RFX3: variants seen among roughly 807,000 people sequenced by gnomAD.
The protein encoded by RFX3 is transcription factor RFX3.
A neutral mutation model predicts 98.6 loss-of-function variants in RFX3; 14 were observed. The observed-to-expected ratio is 0.14, with a 90% CI of 0.09 to 0.22. The LOEUF (loss-of-function observed/expected upper bound fraction) is 0.22. Among genes scored for constraint, RFX3 ranks in the 10% least tolerant of loss-of-function variants. RFX3 has a pLI of 1.00. For synonymous variants in RFX3, 383 were observed against 328.4 expected (o/e 1.17, Z -1.80); for missense variants, 639 against 926.9 (o/e 0.69, Z 4.03).
intron 1 of RFX3, among the ~76,000 whole-genome samples, chr9:3,440,704 T>C (rs1845540007): frequency 6.6e-6 from 1 of 152,168 alleles, no homozygotes; most frequent in African/African-American, 2.4e-5. Context: ...CAAATCCCAA[T>C]AGGCTTTTTC....
At chr9:3,293,301 T>C in intron 5 of RFX3, 43 bp from the exon 6 acceptor site, 2 of 1,485,196 alleles carry the variant, frequency 1.3e-6, no homozygotes, top group South Asian at 1.3e-5. Context: ...ATCACATAAT[T>C]TGCCAAAATT....
At chr9:3,329,244 T>G (rs1832291202) in intron 4 of RFX3, among the ~76,000 whole-genome samples, 1 of 151,008 alleles carries the variant, frequency 6.6e-6, no homozygotes, top group Non-Finnish European at 1.5e-5. Flanking sequence ...CCATCTCTAC[T>G]AAAAAATACA....
rs898818727 is a variant in RFX3, at chr9:3,427,270, A to T, written c.-8-31674T>A. Reference sequence around the variant, plus strand: ...AATATATATATAATACTATATATATATTTTATTATATAATACTATATATAA... The same window carrying T: ...AATATATATATAATACTATATATATTTTTTATTATATAATACTATATATAA... On this transcript the variant is annotated intron_variant, in intron 1 of 16. Coordinates refer to ENST00000617270, the MANE Select transcript of RFX3 (RefSeq NM_001282116.2). Among the ~76,000 whole-genome samples the T allele has an allele frequency of 1.5e-4, 21 of 143,862 alleles. No individual in the cohort carries two copies. In the East Asian group the frequency reaches 2.6e-3, roughly 18 times the overall value. 94.4% of individuals were successfully genotyped at this position (143,862 alleles called of 152,430 possible). A position where few individuals can be genotyped will look rare whatever the true frequency, so the allele number is the denominator to read the frequency against.
rs753738161 is a variant in RFX3 at position 3,270,417 on chromosome 9, C to T, written c.1311G>A (p.Gln437=). The T allele has an allele frequency of 1.2e-6, 2 of 1,613,792 alleles. No individual in the cohort carries two copies. The highest frequency in any genetic ancestry group is 8.5e-7 in the Non-Finnish European group (1 of 1,179,812). ...WMCNCDHGMY[Q]ALVEILIPDV... is the part of the protein sequence containing the mutation. Reference sequence around the variant, plus strand: ...CGGGGATGAGAATCTCCACCAAAGCCTGGTACATCCCATGGTCACAGTTAC... The same window carrying T: ...CGGGGATGAGAATCTCCACCAAAGCTTGGTACATCCCATGGTCACAGTTAC... The change falls in exon 11 of 17, where the codon CAG becomes CAA. Residue 437 remains glutamine (Q), a synonymous_variant. Coordinates refer to ENST00000617270, the MANE Select transcript of RFX3 (RefSeq NM_001282116.2).
At chr9:3,273,634 C>G (rs1278996645) in intron 9 of RFX3, among the ~76,000 whole-genome samples, 1 of 152,048 alleles carries the variant, frequency 6.6e-6, no homozygotes, top group African/African-American at 2.4e-5. Context: ...GAGGCTGAAG[C>G]GGGTGGATCA....
At chr9:3,247,062 A>G (rs1419413080) in intron 15 of RFX3, 1 of 982,830 alleles carries the variant, frequency 1.0e-6, no homozygotes, top group Admixed American at 6.2e-5. Flanking sequence ...TTTTATTTAT[A>G]TAAGCACATA....
At chr9:3,367,011 T>C (rs940749209) in intron 2 of RFX3, among the ~76,000 whole-genome samples, 7 of 152,094 alleles carry the variant, frequency 4.6e-5, no homozygotes, top group Non-Finnish European at 7.4e-5. Flanking sequence ...AGATTGATAA[T>C]AGATTTCAAA....
rs954347928 is a variant in RFX3 at position 3,450,852 on chromosome 9, T to C, written c.-8-55256A>G. ...CAATCCAGTGAACTTATATAAATTA[T>C]TGCAATGACTTAATTTAGTACTACC... is the stretch of plus-strand genomic sequence containing the variant. On this transcript the variant is annotated intron_variant, in intron 1 of 16. Coordinates refer to ENST00000617270, the MANE Select transcript of RFX3 (RefSeq NM_001282116.2). 3.3e-5 allele frequency among the ~76,000 whole-genome samples: 5 copies of C among 152,332 alleles called. No individual in the cohort carries two copies. In the East Asian group the frequency reaches 5.8e-4, roughly 18 times the overall value.
At chr9:3,462,737 T>A (rs1480412426) in intron 1 of RFX3, among the ~76,000 whole-genome samples, 1 of 152,116 alleles carries the variant, frequency 6.6e-6, no homozygotes, top group Non-Finnish European at 1.5e-5. Context: ...TGTACCATAC[T>A]TCAATACTAG....
chr9:3,298,750 T>G (rs538121765), intron 5 of RFX3, among the ~76,000 whole-genome samples: 13 of 151,966 alleles, frequency 8.6e-5, no homozygotes, highest in African/African-American at 2.9e-4. Flanking sequence ...AGCAATCAAG[T>G]TGGATTCTGC....
chr9:3,285,535 T>A (rs1423804033), intron 7 of RFX3, among the ~76,000 whole-genome samples: 1 of 151,892 alleles, frequency 6.6e-6, no homozygotes, highest in Middle Eastern at 3.4e-3. Flanking sequence ...CTTATCAATG[T>A]TGTCAGTGGA....
At chr9:3,284,861 A>G (rs1014523090) in intron 7 of RFX3, among the ~76,000 whole-genome samples, 1 of 151,696 alleles carries the variant, frequency 6.6e-6, no homozygotes, top group African/African-American at 2.4e-5. Context: ...CTGCTTTCCA[A>G]TCAGAAGCTG....
intron 1 of RFX3, among the ~76,000 whole-genome samples, chr9:3,406,986 G>A (rs537272608): frequency 6.6e-6 from 1 of 152,148 alleles, no homozygotes. Context: ...GTTTTAATAA[G>A]TACATCTGAT....
intron 1 of RFX3, among the ~76,000 whole-genome samples, chr9:3,403,329 C>A (rs1371687117): frequency 6.6e-6 from 1 of 151,952 alleles, no homozygotes; most frequent in African/African-American, 2.4e-5. Flanking sequence ...TAAAAAAAGT[C>A]ATGATTTTCT....
At chr9:3,401,036 C>A (rs143451220) in intron 1 of RFX3, among the ~76,000 whole-genome samples, 24 of 152,310 alleles carry the variant, frequency 1.6e-4, no homozygotes, top group African/African-American at 5.8e-4. Context: ...AGACAGCAAT[C>A]TTTGGGGTTC....
At chr9:3,504,263 A>C (rs1174450684) in intron 1 of RFX3, among the ~76,000 whole-genome samples, 1 of 131,572 alleles carries the variant, frequency 7.6e-6, no homozygotes, top group Non-Finnish European at 1.5e-5. Flanking sequence ...TATATAATAT[A>C]TACTATATTG....
intron 15 of RFX3, among the ~76,000 whole-genome samples, chr9:3,236,220 C>T (rs1819135380): frequency 6.6e-6 from 1 of 152,150 alleles, no homozygotes; most frequent in South Asian, 2.1e-4. Context: ...CAAGTTCCTA[C>T]CGGTCTGAAA....
intron 3 of RFX3, among the ~76,000 whole-genome samples, chr9:3,342,071 T>A (rs775922301): frequency 1.5e-4 from 23 of 152,208 alleles, no homozygotes; most frequent in Non-Finnish European, 3.1e-4. Context: ...AATAATTAGA[T>A]GACTTCAAAA....
In RFX3 at chr9:3,226,735, A is replaced by G. The variant is rs112948215; in HGVS notation, c.2012-1455T>C. 2.9e-3 allele frequency among the ~76,000 whole-genome samples: 436 copies of G among 152,330 alleles called. 2 individuals carry two copies. The highest frequency in any genetic ancestry group is 0.014 in the Middle Eastern group (4 of 294). ...ACCTTTTGTAGACATTTACTTCATCAAGAGGGTATACTTGAAACATGTTTG... is the reference window on the plus strand; with the variant it reads ...ACCTTTTGTAGACATTTACTTCATCGAGAGGGTATACTTGAAACATGTTTG... On this transcript the variant is annotated intron_variant, in intron 16 of 16. Coordinates refer to ENST00000617270, the MANE Select transcript of RFX3 (RefSeq NM_001282116.2).
Sources: gnomAD v4.1 joint callset for allele counts (sites outside exome capture counted in the v4.1 genomes callset) on GRCh38, gnomAD v4.1.1 for gene constraint, MANE v1.5 for transcripts, NCBI Gene and HGNC (gene_info 2026-07-23, HGNC 2026-07-21) for gene names.